STK3: variants seen among roughly 807,000 people sequenced by gnomAD.
The protein encoded by STK3 is serine/threonine-protein kinase 3.
STK3 carries 41 observed loss-of-function variants against 58.0 expected under a neutral mutation model. The ratio of observed to expected loss-of-function variants is 0.71; its 90% CI spans 0.55 to 0.92. The LOEUF is 0.92. Among genes scored for constraint, STK3 ranks in the 40% least tolerant of loss-of-function variants. The pLI, the probability that STK3 is intolerant of heterozygous loss-of-function variation, is 0.00. For synonymous variants in STK3, 170 were observed against 191.0 expected (o/e 0.89, Z 0.91); for missense variants, 479 against 602.7 (o/e 0.79, Z 2.15).
At chr8:98,543,816 G>C (rs1302924393) in intron 9 of STK3, among the ~76,000 whole-genome samples, 3 of 152,128 alleles carry the variant, frequency 2.0e-5, no homozygotes, top group Admixed American at 1.3e-4. Flanking sequence ...AGAAGGTCTT[G>C]ATCTGGCAGC....
chr8:98,559,443 A>G (rs557448088), intron 8 of STK3, among the ~76,000 whole-genome samples: 5 of 152,148 alleles, frequency 3.3e-5, no homozygotes, highest in African/African-American at 9.6e-5. Context: ...TGAAGCCTGG[A>G]GGAGCCCCAT....
chr8:98,606,647 TA>T (rs1816795842), intron 6 of STK3, among the ~76,000 whole-genome samples: 1 of 152,186 alleles, frequency 6.6e-6, no homozygotes, highest in Non-Finnish European at 1.5e-5. Flanking sequence ...CATTACTACT[TA>T]ATGAAACCCC....
At chr8:98,493,765 G>C (rs936389346) in intron 10 of STK3, among the ~76,000 whole-genome samples, 2 of 152,142 alleles carry the variant, frequency 1.3e-5, no homozygotes, top group African/African-American at 4.8e-5. Flanking sequence ...CTTTCTGAAT[G>C]TCTGATGGTA....
chr8:98,376,918 A>G (rs1447475427), intron 2 of STK3, among the ~76,000 whole-genome samples: 1 of 152,152 alleles, frequency 6.6e-6, no homozygotes, highest in Admixed American at 6.5e-5. Context: ...TTGCTTGTTG[A>G]TTCCTTAACT....
chr8:98,904,643 T>C, intron 1 of STK3: 1 of 625,032 alleles, frequency 1.6e-6, no homozygotes, highest in Non-Finnish European at 3.1e-6. Flanking sequence ...CTCCCGTTCA[T>C]ACCGGGCCAT....
chr8:98,669,226 ACAT>A (rs1402687347), intron 6 of STK3, among the ~76,000 whole-genome samples: 2 of 152,042 alleles, frequency 1.3e-5, no homozygotes, highest in African/African-American at 4.8e-5. Flanking sequence ...CGAACTCCTG[ACAT>A]CATGATCCAC....
At chr8:98,745,810 G>C (rs1165071545) in intron 4 of STK3, among the ~76,000 whole-genome samples, 6 of 152,094 alleles carry the variant, frequency 3.9e-5, no homozygotes, top group Admixed American at 3.3e-4. Flanking sequence ...ACAGTCATGT[G>C]TCACCTGACA....
In STK3 at chr8:98,794,913, C is replaced by A. The variant is rs374884030; in HGVS notation, c.27-20094G>T. Among the ~76,000 whole-genome samples the A allele has an allele frequency of 8.5e-3, 1,276 of 150,372 alleles. 10 individuals are homozygous for A. The highest frequency in any genetic ancestry group is 0.029 in the African/African-American group (1,201 of 40,862). ...AGAAACCCCGGCTCTACTAAAAAAC[C>A]CAAGTTAGCCAGGCGTGGTGGTGCA... On this transcript the variant is annotated intron_variant, in intron 1 of 10. Coordinates refer to ENST00000419617, the MANE Select transcript of STK3 (RefSeq NM_006281.4).
intron 3 of STK3, among the ~76,000 whole-genome samples, chr8:98,838,220 G>A (rs1835821208): frequency 1.3e-5 from 2 of 152,212 alleles, no homozygotes; most frequent in South Asian, 4.1e-4. Context: ...TCCAACCTAG[G>A]TGACAAAATG....
intron 1 of STK3, among the ~76,000 whole-genome samples, chr8:98,894,506 G>A (rs138654011): frequency 6.6e-6 from 1 of 152,016 alleles, no homozygotes; most frequent in African/African-American, 2.4e-5. Context: ...CATCTCTATG[G>A]CCCCAGCATT....
chr8:98,570,630 A>G (rs1032494438), intron 8 of STK3, among the ~76,000 whole-genome samples: 1 of 152,168 alleles, frequency 6.6e-6, no homozygotes, highest in Non-Finnish European at 1.5e-5. Flanking sequence ...ACCAGCAAAA[A>G]AAACCCGAAA....
In STK3 at chr8:98,822,021, C is replaced by T. The variant is rs114271042; in HGVS notation, c.26+3494G>A. On this transcript the variant is annotated intron_variant, in intron 1 of 10. Transcript: ENST00000419617. ...CTAACATTATGTGTTGATATGTGTA[C>T]ATACATACATATATATATACACACA... Among the ~76,000 whole-genome samples, 836 of 152,142 alleles carry T rather than the reference C, an allele frequency of 5.5e-3. 9 individuals are homozygous for T. Among genetic ancestry groups the T allele is most frequent in the African/African-American group, 0.019 (804 of 41,486 alleles).
intron 4 of STK3, among the ~76,000 whole-genome samples, chr8:98,729,904 A>G (rs1480495808): frequency 6.6e-6 from 1 of 152,158 alleles, no homozygotes; most frequent in Admixed American, 6.6e-5. Flanking sequence ...CTATAATTCC[A>G]ATCCTTTCTT....
chr8:98,826,551 A>T (rs1359048633), upstream of STK3, among the ~76,000 whole-genome samples: 2 of 152,198 alleles, frequency 1.3e-5, no homozygotes, highest in Non-Finnish European at 2.9e-5. Context: ...ACTCAAGAAA[A>T]GTTTGTTTCC....
chr8:98,353,962 A>T, the STK3 span, among the ~76,000 whole-genome samples: 668 of 152,052 alleles, frequency 4.4e-3, 2 homozygotes, highest in Non-Finnish European at 6.0e-3. Flanking sequence ...ATATTTTTTT[A>T]AAAAAAAGAA....
chr8:98,744,402 C>CA (rs1168973297), intron 4 of STK3, among the ~76,000 whole-genome samples: 1 of 151,420 alleles, frequency 6.6e-6, no homozygotes, highest in African/African-American at 2.4e-5. Flanking sequence ...TATGCAGCCA[C>CA]AAAAAATAAT....
chr8:98,729,060 T>C (rs1314861967), intron 4 of STK3, among the ~76,000 whole-genome samples: 2 of 152,196 alleles, frequency 1.3e-5, no homozygotes, highest in African/African-American at 4.8e-5. Context: ...CTAGTATATT[T>C]TGAATAGCCA....
intron 1 of STK3, among the ~76,000 whole-genome samples, chr8:98,917,331 C>A (rs755571571): frequency 4.6e-5 from 7 of 152,150 alleles, no homozygotes; most frequent in Non-Finnish European, 8.8e-5. Flanking sequence ...GGCAGATGTA[C>A]CAGCATAGCC....
intron 6 of STK3, among the ~76,000 whole-genome samples, chr8:98,639,524 T>C (rs935630642): frequency 2.0e-5 from 3 of 152,236 alleles, no homozygotes; most frequent in African/African-American, 7.2e-5. Flanking sequence ...CTGTGAAAGC[T>C]TTCTTCTAAC....
Sources: allele counts gnomAD v4.1 joint callset (sites outside exome capture counted in the v4.1 genomes callset), GRCh38; gene constraint gnomAD v4.1.1; transcripts MANE v1.5; gene names NCBI Gene and HGNC (gene_info 2026-07-23, HGNC 2026-07-21).